The following MET variants were observed in gnomAD, a reference collection of about 807,000 sequenced individuals.
MET encodes the protein hepatocyte growth factor receptor.
In MET, 48 loss-of-function variants were observed where a neutral mutation model predicts 133.1. That is an observed-to-expected ratio of 0.36 (90% CI 0.29 to 0.46). The LOEUF (loss-of-function observed/expected upper bound fraction) is 0.46, where lower values mean the gene tolerates loss of function less well. MET is among the 20% of genes least tolerant of loss of function. The pLI, the probability that MET is intolerant of heterozygous loss-of-function variation, is 1.00. For synonymous variants in MET, 628 were observed against 616.5 expected (o/e 1.02, Z -0.28); for missense variants, 1,442 against 1,695.9 (o/e 0.85, Z 2.63).
At chr7:116,684,646 G>A (rs909206616) in intron 1 of MET, among the ~76,000 whole-genome samples, 7 of 152,182 alleles carry the variant, frequency 4.6e-5, no homozygotes, top group East Asian at 3.8e-4. Flanking sequence ...GGATCCACAT[G>A]TGCTGAAACC....
At chr7:116,743,657 A>G (rs1793548158) in intron 5 of MET, among the ~76,000 whole-genome samples, 1 of 152,216 alleles carries the variant, frequency 6.6e-6, no homozygotes, top group Non-Finnish European at 1.5e-5. Flanking sequence ...GAGAGCAGCA[A>G]ATCCCCCAGC....
At chr7:116,679,742 A>G (rs183333487) in intron 1 of MET, among the ~76,000 whole-genome samples, 83 of 152,234 alleles carry the variant, frequency 5.5e-4, no homozygotes, top group African/African-American at 1.8e-3. Context: ...TTTGAACTCT[A>G]TTGTGTCGGG....
rs772089603 is a variant in MET, at chr7:116,724,423, C to T, written c.1201-7245C>T. ...CTCAGATGGAAATGCAGAAATCACC[C>T]GTCTTCTGCGTCGCTCACGCTGGGA... On this transcript the variant is annotated intron_variant, in intron 2 of 20. Coordinates refer to ENST00000397752, the MANE Select transcript of MET (RefSeq NM_000245.4). Among the ~76,000 whole-genome samples, 91 of 152,310 alleles carry T rather than the reference C, an allele frequency of 6.0e-4. 1 individual carries two copies. The highest frequency in any genetic ancestry group is 1.1e-3 in the Non-Finnish European group (74 of 68,024).
Position 116,796,164 on chromosome 7 carries a change from A to G in MET, c.*40A>G. 2.5e-6 allele frequency: 4 copies of G among 1,589,764 alleles called. No individual in the cohort carries two copies. The highest frequency in any genetic ancestry group is 3.4e-6 in the Non-Finnish European group (4 of 1,159,690). On this transcript the variant is annotated 3_prime_UTR_variant, in exon 21 of 21. Transcript: ENST00000397752. ...CAAAGCAACAGTCCACACTTTGTCC[A>G]ATGGTTTTTTCACTGCCTGACCTTT...
chr7:116,755,335 G>A lies in MET; in HGVS notation c.1702-20G>A, dbSNP rs201975734. 2.5e-6 allele frequency: 4 copies of A among 1,613,580 alleles called. No individual in the cohort carries two copies. In the Admixed American group the frequency reaches 5.0e-5, roughly 20 times the overall value. Reference sequence around the variant, plus strand: ...TATAATATATTGGGTTTTTTTAAAAGTTCTATGTTGTCCTTGTAGGTTTTC... The same window carrying A: ...TATAATATATTGGGTTTTTTTAAAAATTCTATGTTGTCCTTGTAGGTTTTC... On this transcript the variant is annotated intron_variant, in intron 5 of 20. Coordinates refer to ENST00000397752, the MANE Select transcript of MET (RefSeq NM_000245.4).
chr7:116,699,598 T>C lies in MET; in HGVS notation c.514T>C (p.Cys172Arg). 6.2e-7 allele frequency: 1 copy of C among 1,614,026 alleles called. No individual in the cohort carries two copies. Among genetic ancestry groups the C allele is most frequent in the Non-Finnish European group, 8.5e-7 (1 of 1,179,956 alleles). ...FSPQIEEPSQ[C>R]PDCVVSALGA... ...CCCACAGATAGAAGAGCCCAGCCAG[T>C]GTCCTGACTGTGTGGTGAGCGCCCT... Residue 172 changes from cysteine to arginine, a missense_variant, in exon 2 of 21, where the codon TGT (cysteine) becomes CGT (arginine). This residue lies in a region of MET where 762 missense variants were observed against 792.4 expected (regional missense o/e 0.96). Transcript: ENST00000397752.
intron 17 of MET, among the ~76,000 whole-genome samples, chr7:116,780,982 C>T (rs1255776297): frequency 2.6e-5 from 4 of 152,188 alleles, no homozygotes; most frequent in Non-Finnish European, 2.9e-5. Context: ...TAGTAAACAG[C>T]TTGCCTTCAA....
At chr7:116,740,159 C>T (rs928625687) in intron 4 of MET, 75 bp downstream of exon 4, 2 of 1,541,268 alleles carry the variant, frequency 1.3e-6, no homozygotes, top group East Asian at 2.2e-5. Flanking sequence ...TGTCACTTGG[C>T]CCTTTATAAT....
rs1795071435 is a variant in MET at position 116,778,881 on chromosome 7, G to C, written c.3446G>C (p.Ser1149Thr). 6.2e-7 allele frequency: 1 copy of C among 1,614,104 alleles called. No homozygotes were observed. Among genetic ancestry groups the C allele is most frequent in the Non-Finnish European group, 8.5e-7 (1 of 1,179,976 alleles). Residue 1149 changes from serine (S) to threonine (T), a missense_variant, in exon 17 of 21, where the codon AGT becomes ACT. By Grantham distance (58) the Ser-to-Thr change is moderately conservative. Coordinates refer to ENST00000397752, the MANE Select transcript of MET (RefSeq NM_000245.4). ...TCGCTCCTGGGAATCTGCCTGCGAA[G>C]TGAAGGGTCTCCGCTGGTGGTCCTA... The part of the protein sequence containing the change: ...VLSLLGICLR[S>T]EGSPLVVLPY...
chr7:116,758,237 T>C (rs1331442207), intron 8 of MET, among the ~76,000 whole-genome samples: 1 of 152,144 alleles, frequency 6.6e-6, no homozygotes, highest in Non-Finnish European at 1.5e-5. Context: ...TTAAAGGTTT[T>C]TTTTTCAAAT....
chr7:116,721,439 T>C (rs1202801453), intron 2 of MET, among the ~76,000 whole-genome samples: 1 of 151,878 alleles, frequency 6.6e-6, no homozygotes, highest in Non-Finnish European at 1.5e-5. Flanking sequence ...AAAAACCAGC[T>C]CCTGGATTCA....
At chr7:116,689,801 C>A (rs981798654) in intron 1 of MET, among the ~76,000 whole-genome samples, 1 of 152,108 alleles carries the variant, frequency 6.6e-6, no homozygotes, top group Non-Finnish European at 1.5e-5. Flanking sequence ...CTCAAGCAAT[C>A]GTCTGGCCTC....
intron 1 of MET, among the ~76,000 whole-genome samples, chr7:116,676,883 C>T (rs1248428905): frequency 1.3e-5 from 2 of 152,048 alleles, no homozygotes; most frequent in African/African-American, 4.8e-5. Context: ...AATACCTGGA[C>T]AGTGCCTGCC....
At chr7:116,701,239 A>G (rs207468445) in intron 2 of MET, among the ~76,000 whole-genome samples, 2 of 152,158 alleles carry the variant, frequency 1.3e-5, no homozygotes, top group African/African-American at 4.8e-5. Flanking sequence ...GGACCTGACT[A>G]TGACCATCAT....
Position 116,783,355 on chromosome 7 carries a change from C to A in MET, c.3684C>A (p.Asp1228Glu). ...VKVADFGLAR[D>E]MYDKEYYSVH... ...TTGCTGATTTTGGTCTTGCCAGAGA[C>A]ATGTATGATAAAGAATACTATAGTG... Residue 1228 changes from aspartate (D) to glutamate (E), a missense_variant, in exon 19 of 21, where the codon GAC (aspartate) becomes GAA (glutamate). Physicochemically the swap from Asp to Glu is conservative, Grantham distance 45. Coordinates refer to ENST00000397752, the MANE Select transcript of MET (RefSeq NM_000245.4). 1 of 1,614,100 alleles carries A rather than the reference C, an allele frequency of 6.2e-7. No homozygotes were observed. Among genetic ancestry groups the A allele is most frequent in the Middle Eastern group, 1.6e-4 (1 of 6,062 alleles).
chr7:116,715,109 T>A (rs756440095), intron 2 of MET, among the ~76,000 whole-genome samples: 1 of 152,226 alleles, frequency 6.6e-6, no homozygotes, highest in African/African-American at 2.4e-5. Context: ...GGGATTTATG[T>A]CTTTTTTATT....
intron 1 of MET, among the ~76,000 whole-genome samples, chr7:116,692,174 C>T (rs772900732): frequency 4.6e-5 from 7 of 152,156 alleles, no homozygotes; most frequent in Non-Finnish European, 7.4e-5. Flanking sequence ...ATTTTCTCCT[C>T]TTTGAACCTC....
intron 1 of MET, among the ~76,000 whole-genome samples, chr7:116,682,110 C>T (rs1796382240): frequency 6.6e-6 from 1 of 152,134 alleles, no homozygotes; most frequent in African/African-American, 2.4e-5. Context: ...TGATTTTAAA[C>T]ATTCTTTTGG....
At chr7:116,700,834 T>G (rs1319617654) in intron 2 of MET, among the ~76,000 whole-genome samples, 1 of 152,218 alleles carries the variant, frequency 6.6e-6, no homozygotes, top group African/African-American at 2.4e-5. Context: ...TCTGAAATGC[T>G]GGTAAATAAA....
Sources: allele counts gnomAD v4.1 joint callset (sites outside exome capture counted in the v4.1 genomes callset), GRCh38; gene constraint gnomAD v4.1.1; regional missense constraint gnomAD v4.1.1; transcripts MANE v1.5; gene names NCBI Gene and HGNC (gene_info 2026-07-23, HGNC 2026-07-21).